The following SCFD2 variants were observed in gnomAD, a reference collection of about 807,000 sequenced individuals.
SCFD2 encodes the protein sec1 family domain containing 2.
Under a neutral mutation model 58.9 loss-of-function variants are expected in SCFD2, and 54 were observed. That is an observed-to-expected ratio of 0.92 (90% CI 0.74 to 1.15). The LOEUF is 1.15. Ranked by LOEUF, SCFD2 falls within the 50% of genes most tolerant of loss-of-function variation. The pLI, the probability that SCFD2 is intolerant of heterozygous loss-of-function variation, is 0.00. For missense variants in SCFD2, 805 were observed against 836.6 expected (o/e 0.96, Z 0.47); for synonymous variants, 321 against 335.9 (o/e 0.96, Z 0.49).
At chr4:52,951,757 C>T (rs1720599310) in intron 5 of SCFD2, among the ~76,000 whole-genome samples, 1 of 152,196 alleles carries the variant, frequency 6.6e-6, no homozygotes, top group African/African-American at 2.4e-5. Context: ...CAGCTTTGAG[C>T]TGTCTGAGCC....
intron 4 of SCFD2, among the ~76,000 whole-genome samples, chr4:53,229,947 A>G (rs1413308946): frequency 3.9e-5 from 6 of 152,232 alleles, no homozygotes; most frequent in Admixed American, 3.9e-4. Flanking sequence ...CAACCCCATC[A>G]AAAAGTGGGC....
At chr4:52,904,057 G>C (rs966589207) in intron 7 of SCFD2, among the ~76,000 whole-genome samples, 1 of 152,200 alleles carries the variant, frequency 6.6e-6, no homozygotes, top group East Asian at 1.9e-4. Context: ...CACACCCCAC[G>C]GGAATAACTG....
chr4:53,216,609 A>G (rs1424750275), intron 4 of SCFD2, among the ~76,000 whole-genome samples: 2 of 119,854 alleles, frequency 1.7e-5, no homozygotes, highest in Admixed American at 1.9e-4. Flanking sequence ...TCCTGGATTC[A>G]TTGATTTTTT....
At chr4:53,258,740 C>A (rs1730737459) in intron 4 of SCFD2, among the ~76,000 whole-genome samples, 1 of 151,678 alleles carries the variant, frequency 6.6e-6, no homozygotes, top group Non-Finnish European at 1.5e-5. Flanking sequence ...TGGGTAGATA[C>A]CTAGTAGTGG....
intron 5 of SCFD2, among the ~76,000 whole-genome samples, chr4:53,135,359 T>C (rs1177532949): frequency 6.6e-6 from 1 of 152,228 alleles, no homozygotes; most frequent in Non-Finnish European, 1.5e-5. Flanking sequence ...TCTTAAACTT[T>C]GGTGATTTCA....
At chr4:53,304,337 G>A (rs1732442934) in intron 3 of SCFD2, among the ~76,000 whole-genome samples, 1 of 151,976 alleles carries the variant, frequency 6.6e-6, no homozygotes, top group African/African-American at 2.4e-5. Context: ...GTATCTTCGT[G>A]GTGTTCTCTG....
At chr4:53,146,582 A>G (rs1726338154) in intron 4 of SCFD2, among the ~76,000 whole-genome samples, 1 of 152,164 alleles carries the variant, frequency 6.6e-6, no homozygotes. Context: ...GCACAAAACA[A>G]ATTCCCTGCT....
At chr4:53,328,457 A>C (rs1384471114) in intron 2 of SCFD2, among the ~76,000 whole-genome samples, 2 of 152,222 alleles carry the variant, frequency 1.3e-5, no homozygotes, top group African/African-American at 2.4e-5. Flanking sequence ...TCAAAAAGAC[A>C]CAGAAGTCAG....
chr4:53,028,909 G>C (rs1722547437), intron 5 of SCFD2, among the ~76,000 whole-genome samples: 2 of 152,210 alleles, frequency 1.3e-5, no homozygotes, highest in Non-Finnish European at 2.9e-5. Flanking sequence ...CTGGAGGTGA[G>C]AGACAAGTAG....
At chr4:53,350,863 C>A (rs190558276) in intron 2 of SCFD2, among the ~76,000 whole-genome samples, 6 of 152,254 alleles carry the variant, frequency 3.9e-5, no homozygotes, top group Non-Finnish European at 7.4e-5. Context: ...GCACCTGCCA[C>A]CATGCCCAGC....
At chr4:53,304,137 G>A (rs1732435726) in intron 3 of SCFD2, among the ~76,000 whole-genome samples, 1 of 151,732 alleles carries the variant, frequency 6.6e-6, no homozygotes. Flanking sequence ...TTTTCTTTAA[G>A]TATGTTAAAT....
At chr4:52,955,976 G>A (rs1478588740) in intron 5 of SCFD2, 1 of 444,426 alleles carries the variant, frequency 2.3e-6, no homozygotes, top group Admixed American at 2.4e-5. Context: ...AGTAGGCTGA[G>A]ATACCTATTG....
intron 7 of SCFD2, among the ~76,000 whole-genome samples, chr4:52,900,802 C>T (rs1719174256): frequency 6.6e-6 from 1 of 152,232 alleles, no homozygotes; most frequent in Admixed American, 6.5e-5. Context: ...GTTCGAGCTT[C>T]CCTGTCGCTT....
intron 2 of SCFD2, among the ~76,000 whole-genome samples, chr4:53,340,459 C>G (rs1217636679): frequency 6.6e-6 from 1 of 152,172 alleles, no homozygotes; most frequent in Non-Finnish European, 1.5e-5. Context: ...ACACAGCAGC[C>G]TGGAAGCTAG....
intron 4 of SCFD2, 127 bp from the exon 5 acceptor site, chr4:53,145,709 T>G: frequency 1.2e-6 from 1 of 867,066 alleles, no homozygotes; most frequent in Non-Finnish European, 1.7e-6. Context: ...TCACTTTTTA[T>G]TTGTGTGTTT....
chr4:53,263,918 G>C (rs191130084), intron 4 of SCFD2, among the ~76,000 whole-genome samples: 4 of 152,136 alleles, frequency 2.6e-5, no homozygotes, highest in Non-Finnish European at 5.9e-5. Context: ...CACCAGGTGG[G>C]AGCAGGAATA....
At chr4:52,987,518 T>A (rs1577881850) in intron 5 of SCFD2, among the ~76,000 whole-genome samples, 2 of 152,188 alleles carry the variant, frequency 1.3e-5, no homozygotes, top group South Asian at 4.1e-4. Context: ...CCTTGATGTC[T>A]CCAGAGTACA....
At chr4:53,001,244 G>A (rs1450139923) in intron 5 of SCFD2, among the ~76,000 whole-genome samples, 1 of 152,188 alleles carries the variant, frequency 6.6e-6, no homozygotes, top group Non-Finnish European at 1.5e-5. Context: ...AGGTTCTACA[G>A]TGAGAATTTA....
At chr4:53,298,019 C>T (rs1225821956) in intron 3 of SCFD2, among the ~76,000 whole-genome samples, 3 of 152,100 alleles carry the variant, frequency 2.0e-5, no homozygotes, top group African/African-American at 7.2e-5. Flanking sequence ...CCAGCATGAA[C>T]GACACAGAAG....
Sources: allele counts gnomAD v4.1 joint callset (sites outside exome capture counted in the v4.1 genomes callset), GRCh38; gene constraint gnomAD v4.1.1; transcripts MANE v1.5; gene names NCBI Gene and HGNC (gene_info 2026-07-23, HGNC 2026-07-21).